CMTM2: variants seen among roughly 807,000 people sequenced by gnomAD.
The protein encoded by CMTM2 is CKLF-like MARVEL transmembrane domain-containing protein 2.
Under a neutral mutation model 16.8 loss-of-function variants are expected in CMTM2, and 15 were observed. The ratio of observed to expected loss-of-function variants is 0.89; its 90% CI spans 0.60 to 1.37. CMTM2 has a LOEUF of 1.37. Among genes scored for constraint, CMTM2 ranks in the 40% most tolerant of loss-of-function variants. CMTM2 has a pLI of 0.00. For synonymous variants in CMTM2, 117 were observed against 118.7 expected (o/e 0.99, Z 0.09); for missense variants, 282 against 318.0 (o/e 0.89, Z 0.86).
Position 66,587,085 on chromosome 16 carries a change from A to G in CMTM2, c.533A>G (p.Tyr178Cys), listed in dbSNP as rs773432823. 1.1e-5 allele frequency: 17 copies of G among 1,612,824 alleles called. No individual in the cohort carries two copies. The highest frequency in any genetic ancestry group is 6.6e-5 in the South Asian group (6 of 91,056). Reference protein sequence around the residue: ...VRSRRSMNLHYLLAVILIGAA... With the variant: ...VRSRRSMNLHCLLAVILIGAA... ...AGTCGGCGATCCATGAATCTCCACT[A>G]CTTACTTGCTGTGGTGAGTCTTTCC... is the stretch of plus-strand genomic sequence containing the variant. Residue 178 changes from tyrosine (Y) to cysteine (C), a missense_variant, in exon 3 of 4, where the codon TAC (tyrosine) becomes TGC (cysteine). Coordinates refer to ENST00000268595, the MANE Select transcript of CMTM2 (RefSeq NM_144673.3).
At chr16:66,586,759 C>A in intron 2 of CMTM2, 2 of 511,658 alleles carry the variant, frequency 3.9e-6, no homozygotes, top group South Asian at 5.0e-5. Flanking sequence ...GGTGACTTCA[C>A]AGGCTTCAGC....
chr16:66,582,624 C>T (rs545283721), intron 2 of CMTM2, among the ~76,000 whole-genome samples: 6 of 152,284 alleles, frequency 3.9e-5, no homozygotes, highest in Admixed American at 2.6e-4. Context: ...ATGGCTTGAA[C>T]CCAGGAGGTC....
chr16:66,580,934 G>A (rs1366411237), intron 2 of CMTM2, among the ~76,000 whole-genome samples: 1 of 152,066 alleles, frequency 6.6e-6, no homozygotes, highest in Non-Finnish European at 1.5e-5. Context: ...AGTCAATGAA[G>A]ACCCCAATTC....
At position 66,583,957 on chromosome 16, in the gene CMTM2, G is replaced by A. The variant is rs12448048; in HGVS notation, c.445-3040G>A. Among the ~76,000 whole-genome samples the A allele has an allele frequency of 7.0e-3, 1,069 of 152,330 alleles. 33 individuals carry two copies. The highest frequency in any genetic ancestry group is 0.048 in the Admixed American group (732 of 15,302). ...TTGAGGCCCTAACCCCCACTGTACT[G>A]TACTTGAAGATGGGCCTCTAAGGAG... is the stretch of plus-strand genomic sequence containing the variant. On this transcript the variant is annotated intron_variant, in intron 2 of 3. Transcript: ENST00000268595.
chr16:66,582,789 G>T (rs749544694), intron 2 of CMTM2, among the ~76,000 whole-genome samples: 4 of 152,142 alleles, frequency 2.6e-5, no homozygotes, highest in Non-Finnish European at 5.9e-5. Context: ...CAGGAGAATG[G>T]CATGAACCCG....
chr16:66,584,297 G>A (rs1283004650), intron 2 of CMTM2, among the ~76,000 whole-genome samples: 1 of 152,222 alleles, frequency 6.6e-6, no homozygotes, highest in African/African-American at 2.4e-5. Flanking sequence ...GCCTCCCAAA[G>A]TGCTGTGATT....
At chr16:66,583,385 G>A (rs1267901505) in intron 2 of CMTM2, among the ~76,000 whole-genome samples, 2 of 151,884 alleles carry the variant, frequency 1.3e-5, no homozygotes, top group East Asian at 1.9e-4. Flanking sequence ...CCAGCTACTC[G>A]AGAGGCTGAG....
rs1386304460 is a variant in CMTM2 at position 66,579,480 on chromosome 16, G to C, written c.-128G>C. Reference sequence around the variant, plus strand: ...GAGTTGGCATTCGGTGGTCCTGGCAGTTAGCTGAGCACGCCCTCTGAGCCG... The same window carrying C: ...GAGTTGGCATTCGGTGGTCCTGGCACTTAGCTGAGCACGCCCTCTGAGCCG... On this transcript the variant is annotated 5_prime_UTR_variant, in exon 1 of 4. Transcript: ENST00000268595. This position sits in a 1 kb window ranked among gnomAD's most constrained non-coding sequence, Gnocchi z 6.5. 3.4e-6 allele frequency: 4 copies of C among 1,171,476 alleles called. No homozygotes were observed. The African/African-American group carries it at 6.2e-5, about 18-fold the overall frequency. 72.6% of individuals were successfully genotyped at this position (1,171,476 alleles called of 1,614,324 possible). A position where few individuals can be genotyped will look rare whatever the true frequency, so the allele number is the denominator to read the frequency against.
rs2014674433 is a variant in CMTM2 at position 66,579,492 on chromosome 16, C to T, written c.-116C>T. On this transcript the variant is annotated 5_prime_UTR_variant, in exon 1 of 4. The change creates a new upstream start codon in the 5' untranslated region. Coordinates refer to ENST00000268595, the MANE Select transcript of CMTM2 (RefSeq NM_144673.3). This position sits in a 1 kb window ranked among gnomAD's most constrained non-coding sequence, Gnocchi z 6.5. ...GGTGGTCCTGGCAGTTAGCTGAGCACGCCCTCTGAGCCGCTCGGTGGACAC... is the reference window on the plus strand; with the variant it reads ...GGTGGTCCTGGCAGTTAGCTGAGCATGCCCTCTGAGCCGCTCGGTGGACAC... The T allele has an allele frequency of 3.8e-6, 5 of 1,305,550 alleles. No individual in the cohort carries two copies. Among genetic ancestry groups the T allele is most frequent in the South Asian group, 1.4e-5 (1 of 71,628 alleles). The allele number at this position is 1,305,550 out of a possible 1,614,324, so 80.9% of individuals were successfully genotyped here.
intron 2 of CMTM2, among the ~76,000 whole-genome samples, chr16:66,584,688 T>C (rs1222131080): frequency 6.6e-6 from 1 of 152,132 alleles, no homozygotes; most frequent in African/African-American, 2.4e-5. Context: ...GAGGTAGCAT[T>C]ATAGAACAGT....
chr16:66,579,762 C>T lies in CMTM2; in HGVS notation c.155C>T (p.Pro52Leu), dbSNP rs1358724543. 8 of 1,613,946 alleles carry T rather than the reference C, an allele frequency of 5.0e-6. No individual in the cohort carries two copies. The highest frequency in any genetic ancestry group is 5.9e-6 in the Non-Finnish European group (7 of 1,180,008). The change falls in exon 1 of 4, where the codon CCT becomes CTT. Residue 52 changes from proline to leucine, a missense_variant. Pro to Leu is a moderately conservative substitution (Grantham distance 98). Transcript: ENST00000268595. This position sits in a 1 kb window ranked among gnomAD's most constrained non-coding sequence, Gnocchi z 6.5. ...GACCATAAGGAGCCATCGGACAAAC[C>T]TCAAAAGGCGGTGCAGCCCAAGCAC... ...VQDHKEPSDKPQKAVQPKHEV... is the reference protein window; with the variant it reads ...VQDHKEPSDKLQKAVQPKHEV...
chr16:66,580,311 G>A (rs955895466), intron 2 of CMTM2, 127 bp downstream of exon 2: 63 of 1,024,802 alleles, frequency 6.1e-5, no homozygotes, highest in Non-Finnish European at 8.6e-5. Context: ...CAGGGACTCA[G>A]AACATCAGTG....
intron 2 of CMTM2, among the ~76,000 whole-genome samples, chr16:66,586,317 A>G (rs2144705776): frequency 6.6e-6 from 1 of 152,268 alleles, no homozygotes. Context: ...GAGGGACATC[A>G]TGACGTTTTA....
At position 66,580,010 on chromosome 16, in the gene CMTM2, CTA is replaced by C; in HGVS notation, c.286-14_286-13del. The C allele has an allele frequency of 6.2e-7, 1 of 1,614,104 alleles. No homozygotes were observed. Among genetic ancestry groups the C allele is most frequent in the Non-Finnish European group, 8.5e-7 (1 of 1,179,984 alleles). The stretch of plus-strand genomic sequence containing the variant: ...AGGCCCTTGCTGCTGGCTCAGGTGT[CTA>C]TGTCTCACTGCAGGGCTGCCTAATA... On this transcript the variant is annotated splice_polypyrimidine_tract_variant and intron_variant, in intron 1 of 3. Transcript: ENST00000268595.
At chr16:66,586,327 A>C (rs1241843045) in intron 2 of CMTM2, among the ~76,000 whole-genome samples, 1 of 152,150 alleles carries the variant, frequency 6.6e-6, no homozygotes, top group Non-Finnish European at 1.5e-5. Flanking sequence ...ATGACGTTTT[A>C]TAGTTGTGTA....
Position 66,588,067 on chromosome 16 carries a change from C to T in CMTM2, c.695C>T (p.Ala232Val). The change falls in exon 4 of 4, where the codon GCC becomes GTC. Residue 232 changes from alanine (A) to valine (V), a missense_variant. Coordinates refer to ENST00000268595, the MANE Select transcript of CMTM2 (RefSeq NM_144673.3). ...GPQQGKGPEP[A>V]KPPEPGKPPG... The stretch of plus-strand genomic sequence containing the variant: ...CAGCAGGGCAAGGGACCAGAACCCG[C>T]CAAGCCACCAGAACCTGGCAAGCCA... 1 of 1,613,352 alleles carries T rather than the reference C, an allele frequency of 6.2e-7. No individual in the cohort carries two copies. Among genetic ancestry groups the T allele is most frequent in the Non-Finnish European group, 8.5e-7 (1 of 1,180,026 alleles).
rs1029093956 is a variant in CMTM2 at position 66,586,852 on chromosome 16, C to T, written c.445-145C>T. The T allele has an allele frequency of 1.9e-5, 12 of 641,224 alleles. No individual in the cohort carries two copies. In the Admixed American group the frequency reaches 2.6e-4, roughly 14 times the overall value. 39.7% of individuals were successfully genotyped at this position (641,224 alleles called of 1,614,324 possible). On this transcript the variant is annotated intron_variant, in intron 2 of 3. Coordinates refer to ENST00000268595, the MANE Select transcript of CMTM2 (RefSeq NM_144673.3). Reference sequence around the variant, plus strand: ...AGGGCCACAGATATGTCCACCTAGCCCGGTGTGTGTTTATCTTTATGCATA... The same window carrying T: ...AGGGCCACAGATATGTCCACCTAGCTCGGTGTGTGTTTATCTTTATGCATA...
chr16:66,587,025 C>G lies in CMTM2; in HGVS notation c.473C>G (p.Ala158Gly). ...CTCTTCAACGACCTGATTGCTTGTGCGTTCCTTGTGGGAGCCGTGGTCTTT... is the reference window on the plus strand; with the variant it reads ...CTCTTCAACGACCTGATTGCTTGTGGGTTCCTTGTGGGAGCCGTGGTCTTT... ...SDLFNDLIACAFLVGAVVFAV... is the reference protein window; with the variant it reads ...SDLFNDLIACGFLVGAVVFAV... Residue 158 changes from alanine to glycine, a missense_variant, in exon 3 of 4, where the codon GCG becomes GGG. Coordinates refer to ENST00000268595, the MANE Select transcript of CMTM2 (RefSeq NM_144673.3). The G allele has an allele frequency of 6.2e-7, 1 of 1,614,090 alleles. No homozygotes were observed. The highest frequency in any genetic ancestry group is 8.5e-7 in the Non-Finnish European group (1 of 1,180,020).
rs943700981 is a variant in CMTM2, at chr16:66,580,011, T to C, written c.286-15T>C. 6.2e-7 allele frequency: 1 copy of C among 1,614,122 alleles called. No individual in the cohort carries two copies. Among genetic ancestry groups the C allele is most frequent in the South Asian group, 1.1e-5 (1 of 91,082 alleles). Reference sequence around the variant, plus strand: ...GGCCCTTGCTGCTGGCTCAGGTGTCTATGTCTCACTGCAGGGCTGCCTAAT... The same window carrying C: ...GGCCCTTGCTGCTGGCTCAGGTGTCCATGTCTCACTGCAGGGCTGCCTAAT... On this transcript the variant is annotated splice_polypyrimidine_tract_variant and intron_variant, in intron 1 of 3. Coordinates refer to ENST00000268595, the MANE Select transcript of CMTM2 (RefSeq NM_144673.3).
Sources: allele counts gnomAD v4.1 joint callset (sites outside exome capture counted in the v4.1 genomes callset), GRCh38; gene constraint gnomAD v4.1.1; non-coding constraint Gnocchi (gnomAD v3.1); transcripts MANE v1.5; gene names NCBI Gene and HGNC (gene_info 2026-07-23, HGNC 2026-07-21).